The following TMPRSS11E variants were observed in gnomAD, a reference collection of about 807,000 sequenced individuals.
TMPRSS11E encodes transmembrane protease serine 11E.
In TMPRSS11E, 38 loss-of-function variants were observed where a neutral mutation model predicts 48.1. The observed-to-expected ratio is 0.79, with a 90% CI of 0.61 to 1.04. The LOEUF (loss-of-function observed/expected upper bound fraction) is 1.04. Ranked by LOEUF, TMPRSS11E falls within the 50% of genes least tolerant of loss-of-function variation. TMPRSS11E has a pLI of 0.00. For synonymous variants in TMPRSS11E, 158 were observed against 171.9 expected, an observed-to-expected ratio of 0.92 and a Z score of 0.63; for missense variants, 530 against 510.8, an observed-to-expected ratio of 1.04 and a Z score of -0.36.
At chr4:68,487,750 G>A (rs1729599510) in intron 9 of TMPRSS11E, among the ~76,000 whole-genome samples, 1 of 151,712 alleles carries the variant, frequency 6.6e-6, no homozygotes, top group African/African-American at 2.4e-5. Context: ...ATACCAGCCT[G>A]GCCAACATGG....
At chr4:68,491,513 G>A (rs1347907239) in intron 9 of TMPRSS11E, among the ~76,000 whole-genome samples, 2 of 152,044 alleles carry the variant, frequency 1.3e-5, no homozygotes, top group African/African-American at 2.4e-5. Context: ...TTGGTCTGGA[G>A]CGTTTACATA....
chr4:68,477,354 T>C lies in TMPRSS11E; in HGVS notation c.708-15T>C. The C allele has an allele frequency of 4.4e-6, 7 of 1,583,430 alleles. No individual in the cohort carries two copies. Among genetic ancestry groups the C allele is most frequent in the Non-Finnish European group, 6.0e-6 (7 of 1,169,382 alleles). ...ATGGTAAAAAGAAATTTATTCTTCATTTTTTTCTCCCCAGATATAAGAACC... is the reference window on the plus strand; with the variant it reads ...ATGGTAAAAAGAAATTTATTCTTCACTTTTTTCTCCCCAGATATAAGAACC... On this transcript the variant is annotated splice_polypyrimidine_tract_variant and intron_variant, in intron 7 of 9. Transcript: ENST00000305363.
chr4:68,477,313 T>C, intron 7 of TMPRSS11E, 56 bp from the exon 8 acceptor site: 1 of 1,493,830 alleles, frequency 6.7e-7, no homozygotes, highest in Non-Finnish European at 9.0e-7. Context: ...TTAATATAAA[T>C]TATTCGACTG....
At chr4:68,489,755 A>G (rs1379059042) in intron 9 of TMPRSS11E, among the ~76,000 whole-genome samples, 1 of 152,260 alleles carries the variant, frequency 6.6e-6, no homozygotes, top group Non-Finnish European at 1.5e-5. Context: ...GTAGCCAGGC[A>G]GGGAATTTGG....
intron 8 of TMPRSS11E, among the ~76,000 whole-genome samples, chr4:68,478,577 C>T (rs1382326321): frequency 1.3e-5 from 2 of 150,222 alleles, no homozygotes; most frequent in East Asian, 4.0e-4. Flanking sequence ...GCATCAGCCT[C>T]CTGAATAGCT....
chr4:68,450,382 C>T (rs142446790), intron 1 of TMPRSS11E, among the ~76,000 whole-genome samples: 4,472 of 151,974 alleles, frequency 0.029, 228 homozygotes, highest in African/African-American at 0.099. Flanking sequence ...ACCTGTGGCT[C>T]AGATTGTCTA....
intron 8 of TMPRSS11E, 95 bp from the exon 9 acceptor site, chr4:68,478,754 C>A: frequency 7.2e-7 from 1 of 1,381,058 alleles, no homozygotes; most frequent in Non-Finnish European, 1.0e-6. Context: ...CGTGCCTGGC[C>A]TGTATCACCA....
intron 1 of TMPRSS11E, among the ~76,000 whole-genome samples, chr4:68,455,366 CAT>C (rs944010432): frequency 4.6e-5 from 7 of 152,000 alleles, no homozygotes; most frequent in South Asian, 2.1e-4. Context: ...GATTTTTTAA[CAT>C]GTGAAGAAAA....
At chr4:68,469,801 G>A (rs558644622) in intron 4 of TMPRSS11E, among the ~76,000 whole-genome samples, 203 of 151,958 alleles carry the variant, frequency 1.3e-3, no homozygotes, top group African/African-American at 4.4e-3. Context: ...ATCCCCATGT[G>A]GAAGTTCCAC....
At chr4:68,474,971 A>G (rs1023503945) in intron 6 of TMPRSS11E, among the ~76,000 whole-genome samples, 1 of 152,144 alleles carries the variant, frequency 6.6e-6, no homozygotes, top group Non-Finnish European at 1.5e-5. Flanking sequence ...GAGTGGATGT[A>G]TGGGTGCCTG....
At chr4:68,480,195 C>T (rs936144254) in intron 9 of TMPRSS11E, among the ~76,000 whole-genome samples, 1 of 146,792 alleles carries the variant, frequency 6.8e-6, no homozygotes, top group Non-Finnish European at 1.5e-5. Context: ...AATTTTTGGT[C>T]ATTATTTCTT....
At position 68,476,428 on chromosome 4, in the gene TMPRSS11E, T is replaced by G. The variant is rs1729221228; in HGVS notation, c.697T>G (p.Cys233Gly). ...NATWLVSAAHCFTTYKNPARW... is the reference protein window; with the variant it reads ...NATWLVSAAHGFTTYKNPARW... ...CACATGGCTTGTGAGTGCTGCTCAC[T>G]GTTTTACAACGTAAGTCTTGAAGCT... The change falls in exon 7 of 10, where the codon TGT becomes GGT. Residue 233 changes from cysteine (C) to glycine (G), a missense_variant. Transcript: ENST00000305363. 3.1e-6 allele frequency: 5 copies of G among 1,610,008 alleles called. No individual in the cohort carries two copies. The highest frequency in any genetic ancestry group is 1.7e-5 in the Admixed American group (1 of 59,618).
intron 9 of TMPRSS11E, among the ~76,000 whole-genome samples, chr4:68,481,866 T>C (rs1584875): frequency 0.94 from 142,540 of 152,184 alleles, 67,397 homozygotes; most frequent in Non-Finnish European, 1. Flanking sequence ...AGGAGGATTG[T>C]TTGAACCCAA....
At chr4:68,472,837 G>A (rs953635646) in intron 5 of TMPRSS11E, among the ~76,000 whole-genome samples, 1 of 151,848 alleles carries the variant, frequency 6.6e-6, no homozygotes, top group African/African-American at 2.4e-5. Context: ...CCCTGGTCTC[G>A]CTCTCGACTT....
intron 3 of TMPRSS11E, among the ~76,000 whole-genome samples, 197 bp from the exon 4 acceptor site, chr4:68,468,682 A>G (rs1013652343): frequency 7.2e-5 from 11 of 152,176 alleles, no homozygotes; most frequent in African/African-American, 2.6e-4. Context: ...TACTCCTATC[A>G]TTCCTAAGAC....
intron 9 of TMPRSS11E, among the ~76,000 whole-genome samples, chr4:68,489,862 G>A (rs563844740): frequency 3.3e-5 from 5 of 152,200 alleles, no homozygotes; most frequent in Non-Finnish European, 7.3e-5. Context: ...CAACAAAGGC[G>A]AAAGCCACCT....
rs538623618 is a variant in TMPRSS11E, at chr4:68,473,538, C to T, written c.491-1185C>T. Reference sequence around the variant, plus strand: ...AAAGAAACTATGGACACACTTATTGCACATATCTTGTCTGCCAACACTATA... The same window carrying T: ...AAAGAAACTATGGACACACTTATTGTACATATCTTGTCTGCCAACACTATA... On this transcript the variant is annotated intron_variant, in intron 5 of 9. Transcript: ENST00000305363. Among the ~76,000 whole-genome samples the T allele has an allele frequency of 3.3e-5, 5 of 152,208 alleles. No homozygotes were observed. In the East Asian group the frequency reaches 7.7e-4, roughly 23 times the overall value.
At position 68,457,934 on chromosome 4, in the gene TMPRSS11E, G is replaced by A. The variant is rs150780005; in HGVS notation, c.12-3887G>A. On this transcript the variant is annotated intron_variant, in intron 1 of 9. Transcript: ENST00000305363. ...ACATCATACACTGGGGCCTATCAGT[G>A]GGTGGGGGGCTAGGGGAGGGATAGT... Among the ~76,000 whole-genome samples, 46 of 152,174 alleles carry A rather than the reference G, an allele frequency of 3.0e-4. No individual in the cohort carries two copies. In the East Asian group the frequency reaches 7.0e-3, roughly 23 times the overall value.
chr4:68,484,744 C>T (rs139091382), intron 9 of TMPRSS11E, among the ~76,000 whole-genome samples: 80 of 152,264 alleles, frequency 5.3e-4, no homozygotes, highest in African/African-American at 1.9e-3. Context: ...ATTTGGCTCT[C>T]GGCTAAGATG....
Sources: allele counts gnomAD v4.1 joint callset (sites outside exome capture counted in the v4.1 genomes callset), GRCh38; gene constraint gnomAD v4.1.1; transcripts MANE v1.5; gene names NCBI Gene and HGNC (gene_info 2026-07-23, HGNC 2026-07-21).